The following MOB3B variants were observed in gnomAD, a reference collection of about 807,000 sequenced individuals.
The protein encoded by MOB3B is MOB kinase activator 3B.
A neutral mutation model predicts 18.7 loss-of-function variants in MOB3B; 7 were observed. That is an observed-to-expected ratio of 0.37 (90% CI 0.21 to 0.70). MOB3B has a LOEUF of 0.70. Ranked by LOEUF, MOB3B falls within the 30% of genes least tolerant of loss-of-function variation. The pLI, the probability that MOB3B is intolerant of heterozygous loss-of-function variation, is 0.52. For synonymous variants in MOB3B, 111 were observed against 99.9 expected (o/e 1.11, Z -0.66); for missense variants, 253 against 281.3 (o/e 0.90, Z 0.72).
intron 3 of MOB3B, among the ~76,000 whole-genome samples, chr9:27,333,285 C>T (rs1389182952): frequency 1.3e-5 from 2 of 152,048 alleles, no homozygotes; most frequent in Non-Finnish European, 2.9e-5. Flanking sequence ...TGGATCCATC[C>T]TTCAAAGCTC....
intron 2 of MOB3B, among the ~76,000 whole-genome samples, chr9:27,439,853 T>C (rs1477670867): frequency 6.6e-6 from 1 of 152,132 alleles, no homozygotes; most frequent in Non-Finnish European, 1.5e-5. Context: ...CTGTGACCTG[T>C]GCAACATTTG....
At chr9:27,493,319 T>A (rs1819847820) in intron 1 of MOB3B, among the ~76,000 whole-genome samples, 1 of 152,158 alleles carries the variant, frequency 6.6e-6, no homozygotes, top group Admixed American at 6.5e-5. Context: ...CTTATGCCTG[T>A]CTTTACTGCA....
intron 2 of MOB3B, among the ~76,000 whole-genome samples, chr9:27,381,046 A>G (rs1821570872): frequency 6.6e-6 from 1 of 152,142 alleles, no homozygotes; most frequent in South Asian, 2.1e-4. Flanking sequence ...TAACCTCTCT[A>G]GGTTTCAGGC....
intron 2 of MOB3B, among the ~76,000 whole-genome samples, chr9:27,454,520 T>C (rs1308288093): frequency 1.3e-5 from 2 of 152,246 alleles, no homozygotes; most frequent in Non-Finnish European, 2.9e-5. Context: ...TGGTCCTTCC[T>C]TTTGAAGTGT....
intron 1 of MOB3B, among the ~76,000 whole-genome samples, chr9:27,528,432 C>T (rs969028585): frequency 6.6e-6 from 1 of 152,246 alleles, no homozygotes; most frequent in African/African-American, 2.4e-5. Flanking sequence ...GCCTTTGCGG[C>T]GCGCCTGGGC....
chr9:27,527,177 G>T (rs1027724965), intron 1 of MOB3B, among the ~76,000 whole-genome samples: 2 of 152,044 alleles, frequency 1.3e-5, no homozygotes, highest in Non-Finnish European at 1.5e-5. Context: ...GTTTTCCTTA[G>T]CGGGGTAGGC....
chr9:27,415,395 G>C lies in MOB3B; in HGVS notation c.418+39738C>G, dbSNP rs1009909267. 2.7e-5 allele frequency among the ~76,000 whole-genome samples: 4 copies of C among 150,756 alleles called. No homozygotes were observed. The South Asian group carries it at 8.5e-4, about 32-fold the overall frequency. On this transcript the variant is annotated intron_variant, in intron 2 of 3. Coordinates refer to ENST00000262244, the MANE Select transcript of MOB3B (RefSeq NM_024761.5). ...ACACTAACATTAGCAGAAGCTGGGT[G>C]AATGATATATGGGAACTATGTACTT...
At chr9:27,497,460 TAAG>T (rs932142172) in intron 1 of MOB3B, among the ~76,000 whole-genome samples, 8 of 152,022 alleles carry the variant, frequency 5.3e-5, no homozygotes, top group Admixed American at 1.3e-4. Context: ...TATACAAATA[TAAG>T]AAGACAATGA....
At chr9:27,387,358 C>A (rs142135344) in intron 2 of MOB3B, among the ~76,000 whole-genome samples, 154 of 152,180 alleles carry the variant, frequency 1.0e-3, no homozygotes, top group African/African-American at 3.5e-3. Flanking sequence ...GATGCCTATC[C>A]CTCTTTTGGA....
At chr9:27,422,619 A>C (rs888730095) in intron 2 of MOB3B, among the ~76,000 whole-genome samples, 1 of 152,226 alleles carries the variant, frequency 6.6e-6, no homozygotes, top group Admixed American at 6.5e-5. Context: ...GGAGTGATGC[A>C]CTTCTTAAGC....
At chr9:27,407,662 C>A (rs1822002807) in intron 2 of MOB3B, among the ~76,000 whole-genome samples, 1 of 152,164 alleles carries the variant, frequency 6.6e-6, no homozygotes, top group Admixed American at 6.5e-5. Context: ...ATGCAGACTT[C>A]CTTCTGCTCC....
At chr9:27,467,425 C>G (rs1819402078) in intron 1 of MOB3B, among the ~76,000 whole-genome samples, 1 of 152,204 alleles carries the variant, frequency 6.6e-6, no homozygotes, top group Non-Finnish European at 1.5e-5. Flanking sequence ...CTCCTATGAT[C>G]AGATTTCAGG....
chr9:27,510,785 G>A (rs1820130403), intron 1 of MOB3B, among the ~76,000 whole-genome samples: 1 of 152,090 alleles, frequency 6.6e-6, no homozygotes, highest in African/African-American at 2.4e-5. Context: ...TGATGCTCTG[G>A]TGCTACCCAC....
intron 2 of MOB3B, among the ~76,000 whole-genome samples, chr9:27,373,017 G>C (rs367785737): frequency 4.6e-5 from 7 of 152,296 alleles, no homozygotes; most frequent in African/African-American, 1.7e-4. Context: ...TTTATATTAA[G>C]AGTTTATTTA....
rs887671324 is a variant in MOB3B at position 27,326,602 on chromosome 9, G to C, written c.*3985C>G. 1 of 398,360 alleles carries C rather than the reference G, an allele frequency of 2.5e-6. No homozygotes were observed. Among genetic ancestry groups the C allele is most frequent in the Admixed American group, 4.4e-5 (1 of 22,700 alleles). The allele number at this position is 398,360 out of a possible 1,614,324, so 24.7% of individuals were successfully genotyped here. ...GAGTATAGATTTTTTCACCAAGGAA[G>C]TTACTGGCATGGTTTGAGAGATAGA... On this transcript the variant is annotated 3_prime_UTR_variant, in exon 4 of 4. Coordinates refer to ENST00000262244, the MANE Select transcript of MOB3B (RefSeq NM_024761.5).
At chr9:27,341,881 C>T (rs1820947191) in intron 3 of MOB3B, among the ~76,000 whole-genome samples, 1 of 152,100 alleles carries the variant, frequency 6.6e-6, no homozygotes, top group Non-Finnish European at 1.5e-5. Flanking sequence ...TTTTCTATAT[C>T]AGGGACCAGA....
Position 27,499,907 on chromosome 9 carries a change from T to C in MOB3B, c.-199+29648A>G, listed in dbSNP as rs916636720. On this transcript the variant is annotated intron_variant, in intron 1 of 3. Transcript: ENST00000262244. ...ATTATAATTTTGCCATTGTGTTATG[T>C]TGAAATGAAATCTACAGCTATCACT... is the stretch of plus-strand genomic sequence containing the variant. Among the ~76,000 whole-genome samples the C allele has an allele frequency of 4.6e-5, 7 of 152,282 alleles. No individual in the cohort carries two copies. In the East Asian group the frequency reaches 1.3e-3, roughly 29 times the overall value.
chr9:27,417,937 C>A (rs1214717858), intron 2 of MOB3B, among the ~76,000 whole-genome samples: 5 of 151,408 alleles, frequency 3.3e-5, no homozygotes, highest in Admixed American at 2.6e-4. Context: ...ACTAAAAATT[C>A]AAAAATTAGC....
At chr9:27,360,580 C>T (rs1409602309) in intron 2 of MOB3B, among the ~76,000 whole-genome samples, 1 of 152,220 alleles carries the variant, frequency 6.6e-6, no homozygotes, top group Admixed American at 6.5e-5. Flanking sequence ...GACCACTAGC[C>T]TTTCAGCAAA....
Sources: gnomAD v4.1 joint callset for allele counts (sites outside exome capture counted in the v4.1 genomes callset) on GRCh38, gnomAD v4.1.1 for gene constraint, MANE v1.5 for transcripts, NCBI Gene and HGNC (gene_info 2026-07-23, HGNC 2026-07-21) for gene names.